The following TMEM74 variants were observed in gnomAD, a reference collection of about 807,000 sequenced individuals.
TMEM74 encodes transmembrane protein 74.
In TMEM74, 13 loss-of-function variants were observed where a neutral mutation model predicts 18.1. That is an observed-to-expected ratio of 0.72 (90% CI 0.47 to 1.14). The LOEUF is 1.14. Ranked by LOEUF, TMEM74 falls within the 50% of genes most tolerant of loss-of-function variation. The pLI is 0.00. For synonymous variants in TMEM74, 159 were observed against 146.6 expected, an observed-to-expected ratio of 1.08 and a Z score of -0.61; for missense variants, 372 against 375.9, an observed-to-expected ratio of 0.99 and a Z score of 0.09.
intron 1 of TMEM74, among the ~76,000 whole-genome samples, chr8:108,713,363 T>TA (rs5893931): frequency 0.085 from 12,968 of 152,152 alleles, 1,009 homozygotes; most frequent in African/African-American, 0.2. Flanking sequence ...GCCTTAAACT[T>TA]ACAGTGGCAA....
At chr8:108,761,024 C>T (rs1278239697) in intron 1 of TMEM74, among the ~76,000 whole-genome samples, 2 of 151,510 alleles carry the variant, frequency 1.3e-5, no homozygotes, top group Non-Finnish European at 2.9e-5. Context: ...TACTAAATTT[C>T]CCTCTATTTT....
intron 1 of TMEM74, among the ~76,000 whole-genome samples, chr8:108,745,018 T>G (rs998104696): frequency 1.3e-5 from 2 of 152,192 alleles, no homozygotes; most frequent in African/African-American, 4.8e-5. Flanking sequence ...AGTAACCACA[T>G]TTAGAGCAAA....
At position 108,783,958 on chromosome 8, in the gene TMEM74, C is replaced by G; in HGVS notation, c.*223G>C. On this transcript the variant is annotated 3_prime_UTR_variant, in exon 2 of 2. Transcript: ENST00000297459. ...CCATTACAGATTAATTAGCCTTCAG[C>G]TCTTCAGAAGGATAGGTGTGGCTGG... The G allele has an allele frequency of 2.6e-6, 1 of 385,484 alleles. No homozygotes were observed. 23.9% of individuals were successfully genotyped at this position (385,484 alleles called of 1,614,324 possible).
At chr8:108,641,010 A>G (rs762516633) in intron 2 of TMEM74, among the ~76,000 whole-genome samples, 3 of 152,102 alleles carry the variant, frequency 2.0e-5, no homozygotes, top group African/African-American at 4.8e-5. Flanking sequence ...TCCCTGCCCA[A>G]TTGTTACTTC....
chr8:108,609,691 T>C (rs1812314565), intron 2 of TMEM74, among the ~76,000 whole-genome samples: 1 of 152,138 alleles, frequency 6.6e-6, no homozygotes, highest in Non-Finnish European at 1.5e-5. Flanking sequence ...AGCAGGAAAA[T>C]GCCTTTATCA....
chr8:108,775,818 TG>T (rs1232476189), downstream of TMEM74, among the ~76,000 whole-genome samples: 1 of 152,210 alleles, frequency 6.6e-6, no homozygotes, highest in Non-Finnish European at 1.5e-5. Context: ...GGCCGAAGGC[TG>T]GGGGTTCTAC....
intron 2 of TMEM74, among the ~76,000 whole-genome samples, chr8:108,633,690 A>T (rs868763149): frequency 1.3e-5 from 2 of 152,074 alleles, no homozygotes; most frequent in South Asian, 4.1e-4. Context: ...TCTCTGGAAG[A>T]TTTAGCTGGC....
chr8:108,635,442 A>G (rs1284216598), intron 2 of TMEM74, among the ~76,000 whole-genome samples: 4 of 152,070 alleles, frequency 2.6e-5, no homozygotes, highest in African/African-American at 9.7e-5. Flanking sequence ...TCCTCTGTTC[A>G]GAAGCCTGAA....
chr8:108,631,109 G>C (rs1348310100), intron 2 of TMEM74, among the ~76,000 whole-genome samples: 1 of 152,020 alleles, frequency 6.6e-6, no homozygotes, highest in African/African-American at 2.4e-5. Flanking sequence ...ACTACATGGA[G>C]AGTGGCATGG....
intron 1 of TMEM74, among the ~76,000 whole-genome samples, chr8:108,752,413 GA>G (rs2130653755): frequency 6.6e-6 from 1 of 152,116 alleles, no homozygotes; most frequent in African/African-American, 2.4e-5. Context: ...TTTATTGAAT[GA>G]AAAAAGGAAA....
At chr8:108,632,325 A>C (rs1165763584) in intron 2 of TMEM74, among the ~76,000 whole-genome samples, 1 of 152,036 alleles carries the variant, frequency 6.6e-6, no homozygotes, top group Non-Finnish European at 1.5e-5. Context: ...GTGCATACTT[A>C]AAAATTTGCT....
In TMEM74 at chr8:108,707,884, GTTTTAACT is replaced by G. The variant is rs139358400; in HGVS notation, n.120-52455_120-52448del. Among the ~76,000 whole-genome samples the G allele has an allele frequency of 7.5e-3, 1,136 of 152,246 alleles. 14 individuals carry two copies. Among genetic ancestry groups the G allele is most frequent in the Admixed American group, 0.01 (154 of 15,282 alleles). On this transcript the variant is annotated intron_variant and non_coding_transcript_variant, in intron 1 of 3. Transcript: ENST00000518838. ...AAACAATTCTGTACCAGCAAAGGAT[GTTTTAACT>G]TTTAGGTTCAGGGGTACACATCAGG...
intron 1 of TMEM74, among the ~76,000 whole-genome samples, chr8:108,722,227 C>A (rs749364743): frequency 6.6e-6 from 1 of 152,138 alleles, no homozygotes; most frequent in Non-Finnish European, 1.5e-5. Flanking sequence ...GTCCCTTTTG[C>A]CTTTTAAAGT....
At chr8:108,660,382 C>T (rs1198988529) in intron 1 of TMEM74, among the ~76,000 whole-genome samples, 1 of 152,142 alleles carries the variant, frequency 6.6e-6, no homozygotes, top group Non-Finnish European at 1.5e-5. Context: ...TTCCTCTTTG[C>T]TGAATTGCAA....
intron 1 of TMEM74, among the ~76,000 whole-genome samples, chr8:108,704,571 A>G (rs1813372935): frequency 6.6e-6 from 1 of 152,204 alleles, no homozygotes; most frequent in African/African-American, 2.4e-5. Flanking sequence ...TCTTCCACTC[A>G]TTCATTCAGT....
chr8:108,666,115 G>T (rs772591951), intron 1 of TMEM74, among the ~76,000 whole-genome samples: 2 of 152,102 alleles, frequency 1.3e-5, no homozygotes, highest in Admixed American at 6.6e-5. Flanking sequence ...TTAGGCACAG[G>T]TCTCATTTAT....
chr8:108,637,874 G>A (rs953757548), intron 2 of TMEM74, among the ~76,000 whole-genome samples: 1 of 152,098 alleles, frequency 6.6e-6, no homozygotes, highest in Non-Finnish European at 1.5e-5. Context: ...CCAAAACACT[G>A]AAAATGTGAT....
intron 1 of TMEM74, among the ~76,000 whole-genome samples, chr8:108,663,764 G>A (rs1457686458): frequency 2.0e-5 from 3 of 152,154 alleles, no homozygotes; most frequent in African/African-American, 7.2e-5. Flanking sequence ...ATACAACATG[G>A]AATACTATGC....
intron 1 of TMEM74, among the ~76,000 whole-genome samples, chr8:108,724,094 G>C (rs1813611190): frequency 6.6e-6 from 1 of 152,132 alleles, no homozygotes; most frequent in Non-Finnish European, 1.5e-5. Flanking sequence ...CTTGATGATT[G>C]CTTCTAGTAA....
Sources: allele counts gnomAD v4.1 joint callset (sites outside exome capture counted in the v4.1 genomes callset), GRCh38; gene constraint gnomAD v4.1.1; transcripts MANE v1.5; gene names NCBI Gene and HGNC (gene_info 2026-07-23, HGNC 2026-07-21).